The following CFAP61 variants were observed in gnomAD, a reference collection of about 807,000 sequenced individuals.
CFAP61 encodes the protein cilia and flagella associated protein 61, also known as cilia- and flagella-associated protein 61.
CFAP61 carries 107 observed loss-of-function variants against 135.6 expected under a neutral mutation model. The ratio of observed to expected loss-of-function variants is 0.79; its 90% CI spans 0.67 to 0.93. The LOEUF (loss-of-function observed/expected upper bound fraction) is 0.93. Among genes scored for constraint, CFAP61 ranks in the 40% least tolerant of loss-of-function variants. The pLI is 0.00. For synonymous variants in CFAP61, 575 were observed against 578.5 expected (o/e 0.99, Z 0.09); for missense variants, 1,507 against 1,556.2 (o/e 0.97, Z 0.53).
At chr20:20,191,272 T>C (rs2055900826) in intron 14 of CFAP61, 70 bp from the exon 15 acceptor site, 2 of 1,310,548 alleles carry the variant, frequency 1.5e-6, no homozygotes. Context: ...TAAGACCCAC[T>C]GTTGCCTGCT....
chr20:20,356,637 G>A (rs1270728346), intron 26 of CFAP61, among the ~76,000 whole-genome samples: 1 of 39,720 alleles, frequency 2.5e-5, no homozygotes, highest in African/African-American at 9.1e-5. Flanking sequence ...ACTGAGAGGA[G>A]GTGGTCACAC....
At chr20:20,088,127 A>C (rs1008240415) in intron 6 of CFAP61, among the ~76,000 whole-genome samples, 4 of 152,222 alleles carry the variant, frequency 2.6e-5, no homozygotes, top group Admixed American at 2.6e-4. Context: ...TTTTAGCCTC[A>C]TCACTAGAAA....
At chr20:20,226,462 T>G (rs964325634) in intron 17 of CFAP61, among the ~76,000 whole-genome samples, 4 of 152,242 alleles carry the variant, frequency 2.6e-5, no homozygotes, top group African/African-American at 9.6e-5. Flanking sequence ...ACAGTTGTTT[T>G]AAGCCAATGC....
At chr20:20,305,098 C>T (rs980442487) in intron 25 of CFAP61, among the ~76,000 whole-genome samples, 2 of 151,272 alleles carry the variant, frequency 1.3e-5, no homozygotes, top group Non-Finnish European at 3.0e-5. Context: ...TCAGACAGCC[C>T]GGCCCTCGCG....
chr20:20,212,841 C>G (rs963737141), intron 17 of CFAP61, among the ~76,000 whole-genome samples: 11 of 152,170 alleles, frequency 7.2e-5, no homozygotes, highest in South Asian at 2.1e-4. Flanking sequence ...GTGTACTGAT[C>G]ATGTGGTGGG....
chr20:20,168,045 A>G (rs956646083), intron 12 of CFAP61, among the ~76,000 whole-genome samples: 2 of 152,212 alleles, frequency 1.3e-5, no homozygotes, highest in Non-Finnish European at 2.9e-5. Flanking sequence ...GAACAGATGA[A>G]GTTTATATGA....
intron 25 of CFAP61, among the ~76,000 whole-genome samples, chr20:20,304,987 A>T (rs941421768): frequency 3.3e-5 from 5 of 152,140 alleles, no homozygotes; most frequent in African/African-American, 9.7e-5. Context: ...TGGTGTAAAT[A>T]GGTCTTGCCC....
At chr20:20,176,691 G>A (rs2054654056) in intron 13 of CFAP61, among the ~76,000 whole-genome samples, 1 of 152,100 alleles carries the variant, frequency 6.6e-6, no homozygotes, top group African/African-American at 2.4e-5. Flanking sequence ...GCCGGGAGCG[G>A]GGAACAACAC....
chr20:20,216,454 G>A (rs143778281), intron 17 of CFAP61, among the ~76,000 whole-genome samples: 2 of 152,294 alleles, frequency 1.3e-5, no homozygotes, highest in African/African-American at 4.8e-5. Context: ...AGAATTTCCC[G>A]AGGACTCCTG....
chr20:20,074,271 C>T, intron 3 of CFAP61, 31 bp from the exon 4 acceptor site: 3 of 1,598,116 alleles, frequency 1.9e-6, no homozygotes, highest in Admixed American at 1.7e-5. Flanking sequence ...ACTGACTCAG[C>T]CTTTAATCCG....
intron 17 of CFAP61, among the ~76,000 whole-genome samples, chr20:20,222,678 T>A (rs2048482566): frequency 6.6e-6 from 1 of 152,228 alleles, no homozygotes; most frequent in Admixed American, 6.5e-5. Context: ...ATTATTTTAG[T>A]AGAAAGGCTT....
At chr20:20,261,833 T>C (rs540925747) in intron 20 of CFAP61, among the ~76,000 whole-genome samples, 4 of 151,882 alleles carry the variant, frequency 2.6e-5, no homozygotes, top group Admixed American at 1.3e-4. Flanking sequence ...TGCCACAGTA[T>C]CCTTGACAAA....
intron 24 of CFAP61, among the ~76,000 whole-genome samples, chr20:20,292,204 A>G (rs751188793): frequency 1.3e-5 from 2 of 152,248 alleles, no homozygotes; most frequent in Non-Finnish European, 2.9e-5. Context: ...TACATAAAGT[A>G]ACATTGTCAG....
intron 9 of CFAP61, among the ~76,000 whole-genome samples, chr20:20,155,914 A>C (rs1230064086): frequency 6.6e-6 from 1 of 152,206 alleles, no homozygotes; most frequent in Admixed American, 6.5e-5. Flanking sequence ...CAGTCCCACT[A>C]CTGGGTGTCT....
In CFAP61 at chr20:20,288,816, A is replaced by G. The variant is rs963066034; in HGVS notation, c.3004A>G (p.Ile1002Val). 6.2e-7 allele frequency: 1 copy of G among 1,614,144 alleles called. No homozygotes were observed. Among genetic ancestry groups the G allele is most frequent in the Non-Finnish European group, 8.5e-7 (1 of 1,180,012 alleles). ...WTHSNFSSKE[I>V]GFQLAAAMLH... ...TCACAGCAACTTCAGTTCCAAAGAA[A>G]TTGGCTTTCAGCTGGCAGCAGCTAT... is the stretch of plus-strand genomic sequence containing the variant. The change falls in exon 23 of 27, where the codon ATT becomes GTT. Residue 1002 changes from isoleucine to valine, a missense_variant. Physicochemically the swap from Ile to Val is conservative, Grantham distance 29. Transcript: ENST00000245957.
chr20:20,344,246 A>G (rs569106319), intron 26 of CFAP61, among the ~76,000 whole-genome samples: 1 of 152,298 alleles, frequency 6.6e-6, no homozygotes, highest in Non-Finnish European at 1.5e-5. Context: ...GTGGGGGAGT[A>G]GCAGAGGGGA....
rs765278215 is a variant in CFAP61, at chr20:20,246,159, T to C, written c.2103T>C (p.His701=). The C allele has an allele frequency of 1.2e-6, 2 of 1,613,674 alleles. No homozygotes were observed. Among genetic ancestry groups the C allele is most frequent in the South Asian group, 2.2e-5 (2 of 91,074 alleles). The part of the protein sequence containing the change: ...KFNNLTLIST[H]GLPGKKLLDT... ...ATAATCTTACCCTGATTTCAACTCA[T>C]GGACTCCCAGGAAAAAAACTTCTGG... The change falls in exon 19 of 27, where the codon CAT becomes CAC. Residue 701 remains histidine (H), a synonymous_variant. Transcript: ENST00000245957.
intron 17 of CFAP61, among the ~76,000 whole-genome samples, chr20:20,213,205 G>A (rs1266257852): frequency 6.6e-6 from 1 of 152,206 alleles, no homozygotes; most frequent in Non-Finnish European, 1.5e-5. Context: ...AGCCCGTGCA[G>A]CTTTGGTGCT....
At chr20:20,161,187 G>A (rs757200731) in intron 10 of CFAP61, among the ~76,000 whole-genome samples, 17 of 152,136 alleles carry the variant, frequency 1.1e-4, no homozygotes, top group South Asian at 2.1e-4. Context: ...GAAGAGGACA[G>A]CAGTTTTCTC....
Sources: allele counts gnomAD v4.1 joint callset (sites outside exome capture counted in the v4.1 genomes callset), GRCh38; gene constraint gnomAD v4.1.1; transcripts MANE v1.5; gene names NCBI Gene and HGNC (gene_info 2026-07-23, HGNC 2026-07-21).